The following FGF14 variants were observed in gnomAD, a reference collection of about 807,000 sequenced individuals.
FGF14 encodes the protein fibroblast growth factor 14.
In FGF14, 5 loss-of-function variants were observed where a neutral mutation model predicts 25.5. The observed-to-expected ratio is 0.20, with a 90% CI of 0.10 to 0.41. FGF14 has a LOEUF of 0.41. FGF14 is among the 10% of genes least tolerant of loss of function. FGF14 has a pLI of 1.00. For synonymous variants in FGF14, 138 were observed against 118.3 expected (o/e 1.17, Z -1.08); for missense variants, 222 against 320.1 (o/e 0.69, Z 2.34).
At chr13:102,001,684 A>T (rs1175571826) in intron 1 of FGF14, among the ~76,000 whole-genome samples, 4 of 152,202 alleles carry the variant, frequency 2.6e-5, no homozygotes, top group Non-Finnish European at 4.4e-5. Flanking sequence ...GGGACATCAC[A>T]AGTGATGTCC....
At chr13:102,392,711 C>G (rs1158599879) in intron 1 of FGF14, among the ~76,000 whole-genome samples, 1 of 151,892 alleles carries the variant, frequency 6.6e-6, no homozygotes, top group Non-Finnish European at 1.5e-5. Flanking sequence ...AAATTCCAGA[C>G]TCCTCCTTCA....
intron 1 of FGF14, among the ~76,000 whole-genome samples, chr13:102,118,036 G>T (rs915974195): frequency 6.6e-6 from 1 of 151,948 alleles, no homozygotes; most frequent in East Asian, 1.9e-4. Context: ...ATGCCAAATT[G>T]GTACCCAATC....
At chr13:102,024,326 G>A (rs2040818550) in intron 1 of FGF14, among the ~76,000 whole-genome samples, 1 of 151,924 alleles carries the variant, frequency 6.6e-6, no homozygotes, top group Non-Finnish European at 1.5e-5. Flanking sequence ...CCTAGGAGTG[G>A]GAAGAGGTAT....
At chr13:102,018,576 T>G (rs1331490897) in intron 1 of FGF14, among the ~76,000 whole-genome samples, 4 of 152,068 alleles carry the variant, frequency 2.6e-5, no homozygotes, top group African/African-American at 9.7e-5. Flanking sequence ...CTCCTCCTTC[T>G]CTAGCCCTGA....
At chr13:102,060,654 AAG>A (rs2042644198) in intron 1 of FGF14, among the ~76,000 whole-genome samples, 1 of 152,226 alleles carries the variant, frequency 6.6e-6, no homozygotes, top group Admixed American at 6.5e-5. Context: ...ATAAATAAAA[AAG>A]GAGAAATTTA....
At chr13:101,923,834 C>T (rs2034176597) in intron 1 of FGF14, among the ~76,000 whole-genome samples, 1 of 151,960 alleles carries the variant, frequency 6.6e-6, no homozygotes, top group South Asian at 2.1e-4. Context: ...ACTATTGATA[C>T]TAAAAACTTG....
intron 1 of FGF14, among the ~76,000 whole-genome samples, chr13:102,396,812 C>G (rs1443357387): frequency 2.6e-5 from 4 of 152,162 alleles, no homozygotes; most frequent in Non-Finnish European, 5.9e-5. Flanking sequence ...ATCTACTCTC[C>G]CAACAAGGCA....
At chr13:101,870,943 C>T (rs1413692839) in intron 2 of FGF14, among the ~76,000 whole-genome samples, 1 of 151,744 alleles carries the variant, frequency 6.6e-6, no homozygotes, top group Non-Finnish European at 1.5e-5. Context: ...ATGAGCGAAA[C>T]TCCATCTCAA....
At chr13:101,866,056 CTTAAATG>C (rs1219857368) in intron 3 of FGF14, among the ~76,000 whole-genome samples, 2 of 151,688 alleles carry the variant, frequency 1.3e-5, no homozygotes, top group African/African-American at 4.8e-5. Context: ...AAACTTAAAG[CTTAAATG>C]TTAAATGTAA....
At chr13:101,919,996 G>A (rs1347904588), upstream of FGF14, among the ~76,000 whole-genome samples, 1 of 152,188 alleles carries the variant, frequency 6.6e-6, no homozygotes, top group Non-Finnish European at 1.5e-5. Context: ...GGATCTTGGA[G>A]AGGGGGGCAG....
intron 1 of FGF14, among the ~76,000 whole-genome samples, chr13:101,953,910 A>G (rs2036343537): frequency 6.6e-6 from 1 of 151,842 alleles, no homozygotes; most frequent in African/African-American, 2.4e-5. Context: ...ATTTTTACCA[A>G]CCTATTACTA....
At position 101,988,188 on chromosome 13, in the gene FGF14, C is replaced by T. The variant is rs536789459; in HGVS notation, c.209-112892G>A. 6.6e-5 allele frequency among the ~76,000 whole-genome samples: 10 copies of T among 151,878 alleles called. No individual in the cohort carries two copies. The South Asian group carries it at 1.2e-3, about 19-fold the overall frequency. The stretch of plus-strand genomic sequence containing the variant: ...GATGGAAACAAATGGTGATCAAATC[C>T]GCAGATGTTAGTCCTGATGTTAATG... On this transcript the variant is annotated intron_variant, in intron 1 of 4. Coordinates refer to the FGF14 transcript ENST00000376131.
chr13:101,950,556 C>T (rs775620537), intron 1 of FGF14, among the ~76,000 whole-genome samples: 1 of 152,164 alleles, frequency 6.6e-6, no homozygotes, highest in Non-Finnish European at 1.5e-5. Context: ...TAACTGTCAA[C>T]TCAGTAATGT....
chr13:102,184,534 G>A (rs773876825), intron 1 of FGF14, among the ~76,000 whole-genome samples: 1 of 152,182 alleles, frequency 6.6e-6, no homozygotes, highest in Admixed American at 6.6e-5. Context: ...GGTGATGAAT[G>A]ATAGTGGAGA....
At chr13:102,184,954 T>G (rs2048821517) in intron 1 of FGF14, among the ~76,000 whole-genome samples, 1 of 152,172 alleles carries the variant, frequency 6.6e-6, no homozygotes, top group Non-Finnish European at 1.5e-5. Flanking sequence ...CATGCTTAAA[T>G]AAGACAGAAT....
chr13:102,277,208 G>T (rs1410481960), intron 1 of FGF14, among the ~76,000 whole-genome samples: 1 of 152,214 alleles, frequency 6.6e-6, no homozygotes, highest in Non-Finnish European at 1.5e-5. Context: ...ATCTATTTTA[G>T]AAATCACTAT....
chr13:102,224,611 C>T (rs764098199), intron 1 of FGF14, among the ~76,000 whole-genome samples: 2 of 152,146 alleles, frequency 1.3e-5, no homozygotes, highest in Non-Finnish European at 2.9e-5. Context: ...TTGCTGAAGA[C>T]AGTATTTCTA....
intron 1 of FGF14, among the ~76,000 whole-genome samples, chr13:101,958,464 G>C (rs1470943576): frequency 6.6e-6 from 1 of 152,164 alleles, no homozygotes; most frequent in Non-Finnish European, 1.5e-5. Flanking sequence ...CAGTGGTCCT[G>C]CTCTCCATTC....
chr13:101,913,930 G>A (rs2033210911), intron 1 of FGF14, among the ~76,000 whole-genome samples: 1 of 151,948 alleles, frequency 6.6e-6, no homozygotes, highest in Non-Finnish European at 1.5e-5. Flanking sequence ...ATGTTTGTGA[G>A]CTCCATGATG....
Sources: allele counts gnomAD v4.1 joint callset (sites outside exome capture counted in the v4.1 genomes callset), GRCh38; gene constraint gnomAD v4.1.1; transcripts MANE v1.5; gene names NCBI Gene and HGNC (gene_info 2026-07-23, HGNC 2026-07-21).